DNAI4: variants seen among roughly 807,000 people sequenced by gnomAD.
The protein encoded by DNAI4 is WD repeat domain 78.
A neutral mutation model predicts 105.8 loss-of-function variants in DNAI4; 85 were observed. The ratio of observed to expected loss-of-function variants is 0.80; its 90% CI spans 0.67 to 0.96. DNAI4 has a LOEUF of 0.96. DNAI4 is among the 40% of genes least tolerant of loss of function. The pLI is 0.00. For synonymous variants in DNAI4, 352 were observed against 331.5 expected, an observed-to-expected ratio of 1.06 and a Z score of -0.67; for missense variants, 1,014 against 1,005.6, an observed-to-expected ratio of 1.01 and a Z score of -0.11.
At chr1:66,920,658 T>C (rs1316094984) in intron 1 of DNAI4, among the ~76,000 whole-genome samples, 3 of 152,018 alleles carry the variant, frequency 2.0e-5, no homozygotes, top group Admixed American at 6.5e-5. Flanking sequence ...AGCGAGTGAG[T>C]GGAGTTCACC....
chr1:66,867,942 G>T (rs1327406515), intron 6 of DNAI4, among the ~76,000 whole-genome samples: 6 of 152,002 alleles, frequency 3.9e-5, no homozygotes, highest in Non-Finnish European at 5.9e-5. Context: ...CAAAAATTTT[G>T]CTTTTTATTT....
At chr1:66,849,330 T>C (rs1646345617) in intron 7 of DNAI4, among the ~76,000 whole-genome samples, 1 of 152,178 alleles carries the variant, frequency 6.6e-6, no homozygotes, top group African/African-American at 2.4e-5. Flanking sequence ...AGACACAACT[T>C]CCCCTGATGT....
chr1:66,892,961 GA>G (rs947107653), intron 3 of DNAI4, among the ~76,000 whole-genome samples: 1 of 116,866 alleles, frequency 8.6e-6, no homozygotes, highest in Non-Finnish European at 1.7e-5. Flanking sequence ...AAGAAAGAAA[GA>G]AAGAAAGAAA....
intron 13 of DNAI4, among the ~76,000 whole-genome samples, chr1:66,832,386 A>G (rs1645884637): frequency 6.6e-6 from 1 of 152,164 alleles, no homozygotes; most frequent in Non-Finnish European, 1.5e-5. Context: ...GTCACCAAAG[A>G]GATGATCATA....
rs1351173454 is a variant in DNAI4, at chr1:66,889,363, T to C, written c.643+1791A>G. On this transcript the variant is annotated intron_variant, in intron 4 of 16. Coordinates refer to ENST00000371026, the MANE Select transcript of DNAI4 (RefSeq NM_024763.5). ...CTTTCTGTCTTTAATGTGGATAAAA[T>C]GCCCAGAGTGAGCTAGAGAAGATAT... Among the ~76,000 whole-genome samples the C allele has an allele frequency of 4.6e-5, 7 of 152,072 alleles. No individual in the cohort carries two copies. In the East Asian group the frequency reaches 1.3e-3, roughly 29 times the overall value.
At chr1:66,913,203 C>G (rs947158198) in intron 1 of DNAI4, among the ~76,000 whole-genome samples, 2 of 152,142 alleles carry the variant, frequency 1.3e-5, no homozygotes. Flanking sequence ...TTCCTTGGCT[C>G]AAGTTAAGAT....
At chr1:66,827,275 T>C (rs541684381) in intron 14 of DNAI4, among the ~76,000 whole-genome samples, 8 of 152,074 alleles carry the variant, frequency 5.3e-5, no homozygotes, top group Admixed American at 1.3e-4. Flanking sequence ...ACACATATTA[T>C]GCATACTTTG....
At chr1:66,840,041 T>C (rs996117697) in intron 9 of DNAI4, among the ~76,000 whole-genome samples, 1 of 152,184 alleles carries the variant, frequency 6.6e-6, no homozygotes, top group African/African-American at 2.4e-5. Context: ...CTCAAAATTA[T>C]TTTGCACACT....
In DNAI4 at chr1:66,890,860, G is replaced by T; in HGVS notation, c.643+294C>A. Reference sequence around the variant, plus strand: ...AAGAAAAGGAAGAGGAAGAAGAAGAGGAAGAGGAAGAAGAAGAAGAAGAAG... The same window carrying T: ...AAGAAAAGGAAGAGGAAGAAGAAGATGAAGAGGAAGAAGAAGAAGAAGAAG... On this transcript the variant is annotated intron_variant, in intron 4 of 16. Coordinates refer to ENST00000371026, the MANE Select transcript of DNAI4 (RefSeq NM_024763.5). The surrounding 1 kb of genome is among the most constrained non-coding windows in gnomAD (Gnocchi z 4.1). 2.4e-6 allele frequency: 1 copy of T among 414,944 alleles called. No homozygotes were observed. Among genetic ancestry groups the T allele is most frequent in the South Asian group, 2.3e-5 (1 of 42,906 alleles). 25.7% of individuals were successfully genotyped at this position (414,944 alleles called of 1,614,324 possible). A position where few individuals can be genotyped will look rare whatever the true frequency, so the allele number is the denominator to read the frequency against.
intron 2 of DNAI4, 153 bp downstream of exon 2, chr1:66,905,048 T>C (rs1235422959): frequency 5.6e-6 from 3 of 538,236 alleles, no homozygotes; most frequent in Non-Finnish European, 9.2e-6. Context: ...CAATATTATG[T>C]TGTATGGAAT....
chr1:66,834,110 A>T lies in DNAI4; in HGVS notation c.1772T>A (p.Leu591Gln). Residue 591 changes from leucine (L) to glutamine (Q), a missense_variant, in exon 12 of 17, where the codon CTA (leucine) becomes CAA (glutamine). Coordinates refer to ENST00000371026, the MANE Select transcript of DNAI4 (RefSeq NM_024763.5). The part of the protein sequence containing the change: ...PQKHLGPVWQ[L>Q]QWIEQDRGTT... The stretch of plus-strand genomic sequence containing the variant: ...TCCTCGATCTTGTTCTATCCACTGT[A>T]GTTGCCATACAGGTCCCAAATGTTT... 6.2e-7 allele frequency: 1 copy of T among 1,609,538 alleles called. No individual in the cohort carries two copies. The highest frequency in any genetic ancestry group is 8.5e-7 in the Non-Finnish European group (1 of 1,178,628).
At chr1:66,847,917 T>A (rs1646312545) in intron 7 of DNAI4, 1 of 465,142 alleles carries the variant, frequency 2.1e-6, no homozygotes, top group African/African-American at 2.0e-5. Context: ...AATGATAACC[T>A]CCAGAGGTAA....
At chr1:66,875,740 G>A (rs969977170) in intron 4 of DNAI4, among the ~76,000 whole-genome samples, 3 of 151,978 alleles carry the variant, frequency 2.0e-5, no homozygotes, top group Non-Finnish European at 2.9e-5. Context: ...ACTTAAAAAC[G>A]TCTCAGTCTC....
chr1:66,920,272 C>T (rs969110318), intron 1 of DNAI4, among the ~76,000 whole-genome samples: 6 of 152,120 alleles, frequency 3.9e-5, no homozygotes, highest in Non-Finnish European at 8.8e-5. Flanking sequence ...ATTACCTTCC[C>T]GTTCTGTCCC....
At chr1:66,883,301 G>A (rs760014084) in intron 4 of DNAI4, among the ~76,000 whole-genome samples, 8 of 149,112 alleles carry the variant, frequency 5.4e-5, no homozygotes, top group Admixed American at 1.4e-4. Context: ...TTTTTGAGAC[G>A]GAGTTTCACT....
chr1:66,821,180 C>T (rs1181280759), intron 16 of DNAI4, among the ~76,000 whole-genome samples: 1 of 147,650 alleles, frequency 6.8e-6, no homozygotes, highest in Admixed American at 6.8e-5. Context: ...CTTACTGCAA[C>T]CTCCCTCTCC....
intron 9 of DNAI4, among the ~76,000 whole-genome samples, chr1:66,838,950 A>G (rs1026672956): frequency 1.3e-5 from 2 of 152,234 alleles, no homozygotes; most frequent in African/African-American, 4.8e-5. Flanking sequence ...TGTGCCAGGC[A>G]CAGAGTTAAC....
intron 4 of DNAI4, among the ~76,000 whole-genome samples, chr1:66,882,220 C>T (rs1474694891): frequency 6.6e-6 from 1 of 152,092 alleles, no homozygotes; most frequent in Non-Finnish European, 1.5e-5. Flanking sequence ...GATAAAAGTC[C>T]GTTATGATCT....
rs1246203407 is a variant in DNAI4 at position 66,920,953 on chromosome 1, C to T, written c.170+3709G>A. ...CCTATTTAATCTCAGTTCATATTAT[C>T]TATACAATATGTTCAGCTTTCAACA... On this transcript the variant is annotated intron_variant, in intron 1 of 16. Coordinates refer to ENST00000371026, the MANE Select transcript of DNAI4 (RefSeq NM_024763.5). Among the ~76,000 whole-genome samples the T allele has an allele frequency of 2.0e-5, 3 of 152,150 alleles. No homozygotes were observed. The East Asian group carries it at 5.8e-4, about 29-fold the overall frequency.
Sources: allele counts gnomAD v4.1 joint callset (sites outside exome capture counted in the v4.1 genomes callset), GRCh38; gene constraint gnomAD v4.1.1; non-coding constraint Gnocchi (gnomAD v3.1); transcripts MANE v1.5; gene names NCBI Gene and HGNC (gene_info 2026-07-23, HGNC 2026-07-21).